Variants in RALYL observed in about 807,000 individuals in gnomAD.
RALYL encodes the protein RALY RNA binding protein like, also known as RNA-binding Raly-like protein.
A neutral mutation model predicts 35.1 loss-of-function variants in RALYL; 29 were observed. The ratio of observed to expected loss-of-function variants is 0.83; its 90% CI spans 0.61 to 1.13. The LOEUF is 1.13. Among genes scored for constraint, RALYL ranks in the 50% most tolerant of loss-of-function variants. The probability of loss-of-function intolerance (pLI) is 0.00; values close to 1 mark genes in which losing one functional copy is unlikely to be tolerated. For synonymous variants in RALYL, 120 were observed against 127.6 expected (o/e 0.94, Z 0.40); for missense variants, 359 against 360.4 (o/e 1.00, Z 0.03).
intron 2 of RALYL, among the ~76,000 whole-genome samples, chr8:84,578,978 C>T (rs1015320033): frequency 2.6e-5 from 4 of 152,186 alleles, no homozygotes; most frequent in Admixed American, 2.0e-4. Context: ...TTCAGGCTGT[C>T]CCCAGCTTGA....
chr8:84,506,347 C>T (rs1201500063), intron 1 of RALYL, among the ~76,000 whole-genome samples: 1 of 151,320 alleles, frequency 6.6e-6, no homozygotes, highest in African/African-American at 2.4e-5. Context: ...ACCAAGGCCA[C>T]CTGATTCCAG....
Position 84,256,994 on chromosome 8 carries a change from T to C in RALYL, c.-24+72570T>C, listed in dbSNP as rs559447445. Among the ~76,000 whole-genome samples, 220 of 152,080 alleles carry C rather than the reference T, an allele frequency of 1.4e-3. 1 individual carries two copies. The highest frequency in any genetic ancestry group is 2.6e-3 in the Non-Finnish European group (174 of 67,962). ...AGATATTTATTATATTGGTTTAATA[T>C]ACTTATTAAACAAATATAACCACGA... On this transcript the variant is annotated intron_variant, in intron 1 of 8. Transcript: ENST00000521268.
chr8:84,319,886 G>A (rs1207368277), intron 1 of RALYL, among the ~76,000 whole-genome samples: 2 of 151,782 alleles, frequency 1.3e-5, no homozygotes, highest in African/African-American at 4.8e-5. Flanking sequence ...AATTCTTTAA[G>A]GTAATTTGTA....
intron 2 of RALYL, among the ~76,000 whole-genome samples, chr8:84,732,683 T>TACACACAC (rs1554553642): frequency 3.5e-4 from 47 of 133,000 alleles, no homozygotes; most frequent in African/African-American, 6.1e-4. Flanking sequence ...TATATATATA[T>TACACACAC]ACACACACAC....
At chr8:84,613,199 A>T (rs1261755452) in intron 2 of RALYL, among the ~76,000 whole-genome samples, 2 of 151,716 alleles carry the variant, frequency 1.3e-5, no homozygotes, top group South Asian at 4.1e-4. Context: ...GAGACCTGAA[A>T]GCCTCAATTT....
intron 2 of RALYL, chr8:84,706,173 A>G (rs1841174263): frequency 9.9e-7 from 1 of 1,009,636 alleles, no homozygotes; most frequent in East Asian, 2.6e-5. Context: ...TAGAAAAGAT[A>G]CTGTAGCTTT....
intron 4 of RALYL, among the ~76,000 whole-genome samples, chr8:84,831,283 G>A (rs369351221): frequency 5.9e-5 from 9 of 152,066 alleles, no homozygotes; most frequent in Admixed American, 3.9e-4. Flanking sequence ...AGGTAAAATC[G>A]AACTCAGTTT....
In RALYL at chr8:84,342,934, A is replaced by C. The variant is rs1849130551; in HGVS notation, c.-24+158510A>C. On this transcript the variant is annotated intron_variant, in intron 1 of 8. Transcript: ENST00000521268. ...TCAAAAGTCATAATAGAATTATGCC[A>C]ATCTTTCCTATTTTTAAAGTGCACA... 2.0e-5 allele frequency among the ~76,000 whole-genome samples: 3 copies of C among 152,118 alleles called. No homozygotes were observed. The South Asian group carries it at 6.2e-4, about 31-fold the overall frequency.
chr8:84,764,565 A>C (rs1813460423), intron 2 of RALYL, among the ~76,000 whole-genome samples: 1 of 152,156 alleles, frequency 6.6e-6, no homozygotes, highest in South Asian at 2.1e-4. Flanking sequence ...TCAAGTTTCC[A>C]CTTTGATTTG....
At chr8:84,774,825 G>A (rs773301930) in intron 3 of RALYL, among the ~76,000 whole-genome samples, 171 bp downstream of exon 3, 2 of 152,130 alleles carry the variant, frequency 1.3e-5, no homozygotes, top group African/African-American at 2.4e-5. Flanking sequence ...CATTGGCAAG[G>A]ATCTCAATGC....
At chr8:84,375,381 G>T (rs1856715856) in intron 1 of RALYL, among the ~76,000 whole-genome samples, 1 of 151,706 alleles carries the variant, frequency 6.6e-6, no homozygotes. Context: ...GCTTCTTAAA[G>T]TTTAGAGTTA....
chr8:84,541,915 C>T (rs191505718), intron 2 of RALYL, among the ~76,000 whole-genome samples: 10 of 151,954 alleles, frequency 6.6e-5, no homozygotes, highest in East Asian at 1.9e-4. Context: ...ATTTTTCATC[C>T]GTTTTAATTT....
At chr8:84,550,197 G>GTC (rs138037136) in intron 2 of RALYL, among the ~76,000 whole-genome samples, 33 of 149,064 alleles carry the variant, frequency 2.2e-4, no homozygotes, top group African/African-American at 4.4e-4. Flanking sequence ...GTTAATCTGG[G>GTC]TCTCTCTCTC....
At chr8:84,788,592 T>A (rs1820089946) in intron 3 of RALYL, among the ~76,000 whole-genome samples, 1 of 152,210 alleles carries the variant, frequency 6.6e-6, no homozygotes, top group African/African-American at 2.4e-5. Context: ...TCTTTAGTAC[T>A]AGACTGCTTT....
intron 2 of RALYL, among the ~76,000 whole-genome samples, chr8:84,604,810 A>C (rs934537240): frequency 6.6e-6 from 1 of 152,136 alleles, no homozygotes; most frequent in Non-Finnish European, 1.5e-5. Context: ...AAGACGAAGA[A>C]TGCTCTGTAG....
At chr8:84,184,967 C>G in intron 1 of RALYL, 1 of 1,613,604 alleles carries the variant, frequency 6.2e-7, no homozygotes, top group Non-Finnish European at 8.5e-7. Flanking sequence ...CACCGGCCCT[C>G]GCACGCTCAA....
intron 1 of RALYL, among the ~76,000 whole-genome samples, chr8:84,469,321 G>T (rs1168648205): frequency 1.3e-5 from 2 of 152,004 alleles, no homozygotes; most frequent in African/African-American, 4.8e-5. Context: ...ATGGGTTTTT[G>T]GTGTGGATGT....
intron 3 of RALYL, among the ~76,000 whole-genome samples, chr8:84,792,791 T>C (rs1416832825): frequency 6.6e-6 from 1 of 152,198 alleles, no homozygotes; most frequent in Non-Finnish European, 1.5e-5. Context: ...AGTTTGTATA[T>C]GATGACTGAC....
intron 7 of RALYL, among the ~76,000 whole-genome samples, chr8:84,883,758 T>C (rs897355126): frequency 1.3e-5 from 2 of 152,068 alleles, no homozygotes; most frequent in African/African-American, 4.8e-5. Context: ...CAAGATAATC[T>C]TTATAATGCC....
Sources: allele counts gnomAD v4.1 joint callset (sites outside exome capture counted in the v4.1 genomes callset), GRCh38; gene constraint gnomAD v4.1.1; transcripts MANE v1.5; gene names NCBI Gene and HGNC (gene_info 2026-07-23, HGNC 2026-07-21).